LARP1: variants seen among roughly 807,000 people sequenced by gnomAD.
The protein encoded by LARP1 is La ribonucleoprotein 1, translational regulator, also known as la-related protein 1.
A neutral mutation model predicts 122.7 loss-of-function variants in LARP1; 36 were observed. The ratio of observed to expected loss-of-function variants is 0.29; its 90% CI spans 0.22 to 0.39. LARP1 has a LOEUF of 0.39. LARP1 is among the 10% of genes least tolerant of loss of function. The pLI is 1.00. For missense variants in LARP1, 1,040 were observed against 1,403.6 expected, an observed-to-expected ratio of 0.74 and a Z score of 4.14; for synonymous variants, 539 against 528.7, an observed-to-expected ratio of 1.02 and a Z score of -0.27.
intron 1 of LARP1, among the ~76,000 whole-genome samples, chr5:154,697,677 T>C (rs1754527346): frequency 6.6e-6 from 1 of 152,230 alleles, no homozygotes. Context: ...CCACATATTA[T>C]GATTCCATTT....
chr5:154,704,220 C>T (rs12153047), intron 1 of LARP1, among the ~76,000 whole-genome samples: 1,957 of 152,256 alleles, frequency 0.013, 18 homozygotes, highest in Non-Finnish European at 0.022. Flanking sequence ...AGGAAAAGTT[C>T]GTGGTGTTAA....
intron 1 of LARP1, among the ~76,000 whole-genome samples, chr5:154,784,802 C>A (rs974968083): frequency 6.6e-6 from 1 of 152,206 alleles, no homozygotes; most frequent in African/African-American, 2.4e-5. Flanking sequence ...ACATCTGGAA[C>A]CTCTGGGTAG....
Position 154,743,305 on chromosome 5 carries a change from C to A in LARP1, c.205+30175C>A, listed in dbSNP as rs541171903. On this transcript the variant is annotated intron_variant, in intron 1 of 18. Transcript: ENST00000336314. ...ACCGCAAGGGCTATAGTTTATTATT[C>A]TTATTTATTTATTTTTTTTTGAAAT... Among the ~76,000 whole-genome samples the A allele has an allele frequency of 5.0e-4, 65 of 130,390 alleles. No homozygotes were observed. The East Asian group carries it at 5.0e-3, about 10-fold the overall frequency. The allele number at this position is 130,390 out of a possible 152,430, so 85.5% of individuals were successfully genotyped here.
At chr5:154,727,365 A>G (rs1756284176) in intron 1 of LARP1, among the ~76,000 whole-genome samples, 1 of 152,214 alleles carries the variant, frequency 6.6e-6, no homozygotes, top group African/African-American at 2.4e-5. Flanking sequence ...TAAAACGGAT[A>G]GTGTCTCCAC....
At chr5:154,739,778 CA>C (rs895410811) in intron 1 of LARP1, among the ~76,000 whole-genome samples, 8 of 152,200 alleles carry the variant, frequency 5.3e-5, no homozygotes, top group African/African-American at 1.9e-4. Context: ...CTCGGAAAGA[CA>C]AAGTGAATGT....
At position 154,811,727 on chromosome 5, in the gene LARP1, G is replaced by C; in HGVS notation, c.3081+87G>C. ...GATACTTGGATTCTGGTCCAGCTGT[G>C]CCCCTAGCCCAGGAACCCCTCTCCC... is the stretch of plus-strand genomic sequence containing the variant. On this transcript the variant is annotated intron_variant, in intron 18 of 18. Coordinates refer to ENST00000518297, the MANE Select transcript of LARP1 (RefSeq NM_033551.3). 2.6e-6 allele frequency: 4 copies of C among 1,534,230 alleles called. No individual in the cohort carries two copies. The South Asian group carries it at 4.6e-5, about 18-fold the overall frequency.
At chr5:154,764,040 G>T (rs1754699370) in intron 1 of LARP1, among the ~76,000 whole-genome samples, 1 of 151,792 alleles carries the variant, frequency 6.6e-6, no homozygotes, top group African/African-American at 2.4e-5. Context: ...TGGGTGCGGT[G>T]GTTCACGCCT....
chr5:154,786,448 G>A (rs1221291390), intron 1 of LARP1: 2 of 456,010 alleles, frequency 4.4e-6, no homozygotes, highest in African/African-American at 2.0e-5. Context: ...GGTCCTCTGG[G>A]ACAGAAGGTG....
intron 1 of LARP1, among the ~76,000 whole-genome samples, chr5:154,784,120 A>G (rs1047380067): frequency 7.9e-5 from 12 of 152,240 alleles, no homozygotes; most frequent in Admixed American, 6.5e-5. Context: ...GGTTGAGGCT[A>G]TAACCTCAGG....
chr5:154,756,346 C>A (rs1299864684), intron 1 of LARP1, 153 bp downstream of exon 1: 3 of 941,056 alleles, frequency 3.2e-6, no homozygotes, highest in Non-Finnish European at 3.9e-6. Flanking sequence ...CTGGTCGCCG[C>A]GCCCTCCCCC....
chr5:154,772,044 C>T (rs2113666608), intron 1 of LARP1, among the ~76,000 whole-genome samples: 1 of 152,218 alleles, frequency 6.6e-6, no homozygotes, highest in East Asian at 1.9e-4. Flanking sequence ...AAAAACAACC[C>T]CTTGGTAATC....
chr5:154,697,312 T>C (rs114817177), intron 1 of LARP1, among the ~76,000 whole-genome samples: 234 of 151,728 alleles, frequency 1.5e-3, no homozygotes, highest in African/African-American at 5.6e-3. Flanking sequence ...GCTTAGAGAG[T>C]TTGGGATTCC....
rs143321110 is a variant in LARP1 at position 154,811,501 on chromosome 5, C to G, written c.2954-12C>G. 7.4e-6 allele frequency: 12 copies of G among 1,614,086 alleles called. No homozygotes were observed. Among genetic ancestry groups the G allele is most frequent in the African/African-American group, 4.0e-5 (3 of 74,936 alleles). ...CCTCACCAGCTCAGCTTTTCTGTAC[C>G]TCTCCCTACAGGCCAACTGTATGGG... On this transcript the variant is annotated splice_polypyrimidine_tract_variant and intron_variant, in intron 17 of 18. Coordinates refer to ENST00000518297, the MANE Select transcript of LARP1 (RefSeq NM_033551.3).
chr5:154,704,925 C>T (rs1257986293), intron 1 of LARP1, among the ~76,000 whole-genome samples: 7 of 151,900 alleles, frequency 4.6e-5, no homozygotes, highest in Non-Finnish European at 8.8e-5. Flanking sequence ...TGAGACCAGC[C>T]TGGCCAACAT....
intron 1 of LARP1, among the ~76,000 whole-genome samples, chr5:154,762,644 A>G (rs185052498): frequency 6.6e-6 from 1 of 152,302 alleles, no homozygotes; most frequent in Admixed American, 6.5e-5. Flanking sequence ...TCTGTCATAT[A>G]TGGCATGGGA....
intron 16 of LARP1, 79 bp from the exon 17 acceptor site, chr5:154,811,168 A>T: frequency 9.8e-7 from 1 of 1,021,474 alleles, no homozygotes; most frequent in Non-Finnish European, 1.5e-6. Context: ...ACTGTTTCAT[A>T]GTTCCTCTGT....
chr5:154,812,908 T>C (rs1015915864), intron 18 of LARP1, among the ~76,000 whole-genome samples: 1 of 152,100 alleles, frequency 6.6e-6, no homozygotes, highest in Non-Finnish European at 1.5e-5. Flanking sequence ...GATGCAATTA[T>C]CTCCACCTGG....
At chr5:154,784,344 TGA>T (rs1756712222) in intron 1 of LARP1, among the ~76,000 whole-genome samples, 1 of 152,140 alleles carries the variant, frequency 6.6e-6, no homozygotes, top group African/African-American at 2.4e-5. Context: ...TCACCACACT[TGA>T]GGTCTGGGAG....
chr5:154,683,895 G>A (rs1340098825), intron 1 of LARP1, among the ~76,000 whole-genome samples: 3 of 152,172 alleles, frequency 2.0e-5, no homozygotes, highest in Non-Finnish European at 4.4e-5. Flanking sequence ...ACAGCACCTC[G>A]TCTTTGGAGT....
Sources: allele counts gnomAD v4.1 joint callset (sites outside exome capture counted in the v4.1 genomes callset), GRCh38; gene constraint gnomAD v4.1.1; transcripts MANE v1.5; gene names NCBI Gene and HGNC (gene_info 2026-07-23, HGNC 2026-07-21).